The following PEX10 variants were observed in gnomAD, a reference collection of about 807,000 sequenced individuals.
PEX10 encodes the protein peroxisome biogenesis factor 10.
PEX10 carries 32 observed loss-of-function variants against 38.0 expected under a neutral mutation model. The observed-to-expected ratio is 0.84, with a 90% CI of 0.63 to 1.13. The LOEUF is 1.13. Ranked by LOEUF, PEX10 falls within the 50% of genes most tolerant of loss-of-function variation. The pLI is 0.00. For missense variants in PEX10, 483 were observed against 457.7 expected (o/e 1.06, Z -0.51); for synonymous variants, 206 against 207.3 (o/e 0.99, Z 0.05).
rs1209345866 is a variant in PEX10, at chr1:2,404,894, G to A, written c.*872C>T. ...AGGTTAAATGCAGTTTTGAAAACCT[G>A]GAAACATCAAATGGAGGCGGGAAAT... On this transcript the variant is annotated 3_prime_UTR_variant, in exon 6 of 6. Coordinates refer to ENST00000447513, the MANE Select transcript of PEX10 (RefSeq NM_002617.4). 1.3e-5 allele frequency: 2 copies of A among 152,820 alleles called. No homozygotes were observed. Among genetic ancestry groups the A allele is most frequent in the African/African-American group, 4.8e-5 (2 of 41,466 alleles). The allele number at this position is 152,820 out of a possible 1,614,324, so 9.5% of individuals were successfully genotyped here.
At chr1:2,411,950 G>A (rs1643244287) in intron 1 of PEX10, among the ~76,000 whole-genome samples, 1 of 152,248 alleles carries the variant, frequency 6.6e-6, no homozygotes, top group Admixed American at 6.5e-5. Context: ...GAAAGGCCGG[G>A]GTCAGTGTGA....
Position 2,408,770 on chromosome 1 carries a change from C to T in PEX10, c.282G>A (p.Val94=). 6.2e-7 allele frequency: 1 copy of T among 1,613,974 alleles called. No individual in the cohort carries two copies. The highest frequency in any genetic ancestry group is 8.5e-7 in the Non-Finnish European group (1 of 1,179,914). ...IHVPSSLRRG[V]LVTLHAVLPY... ...GCAGGACGGCATGCAGTGTCACCAG[C>T]ACGCCACGGCGCAGCGAGGAGGGCA... The change falls in exon 3 of 6, where the codon GTG becomes GTA. Residue 94 remains valine, a synonymous_variant. Coordinates refer to ENST00000447513, the MANE Select transcript of PEX10 (RefSeq NM_002617.4).
chr1:2,408,822 A>T lies in PEX10; in HGVS notation c.230T>A (p.Ile77Asn), dbSNP rs753282581. 1 of 1,614,072 alleles carries T rather than the reference A, an allele frequency of 6.2e-7. No individual in the cohort carries two copies. The highest frequency in any genetic ancestry group is 1.1e-5 in the South Asian group (1 of 91,088). Residue 77 changes from isoleucine (I) to asparagine (N), a missense_variant, in exon 3 of 6, where the codon ATC becomes AAC. Coordinates refer to ENST00000447513, the MANE Select transcript of PEX10 (RefSeq NM_002617.4). The stretch of plus-strand genomic sequence containing the variant: ...ATGTATCCGCGATGGGTCCACCTGG[A>T]TGATGCTGACGTACTCCTCCCCCAG... ...QTLGEEYVSI[I>N]QVDPSRIHVP...
In PEX10 at chr1:2,412,386, C is replaced by G; in HGVS notation, c.112+5G>C. 1 of 1,380,110 alleles carries G rather than the reference C, an allele frequency of 7.2e-7. No homozygotes were observed. Among genetic ancestry groups the G allele is most frequent in the Non-Finnish European group, 9.3e-7 (1 of 1,072,816 alleles). 85.5% of individuals were successfully genotyped at this position (1,380,110 alleles called of 1,614,324 possible). A position where few individuals can be genotyped will look rare whatever the true frequency, so the allele number is the denominator to read the frequency against. Reference sequence around the variant, plus strand: ...CGAGGACGTCCGGCCGCGCCCGGCCCTCACCCGCCAGGCTGTGCAGGGCGC... The same window carrying G: ...CGAGGACGTCCGGCCGCGCCCGGCCGTCACCCGCCAGGCTGTGCAGGGCGC... On this transcript the variant is annotated splice_donor_5th_base_variant and intron_variant, in intron 1 of 5. Transcript: ENST00000447513.
chr1:2,411,076 T>C (rs190297056), intron 1 of PEX10, among the ~76,000 whole-genome samples: 99 of 152,142 alleles, frequency 6.5e-4, no homozygotes, highest in Middle Eastern at 3.4e-3. Context: ...TCCTCTGATA[T>C]TTACCCATGC....
At position 2,404,989 on chromosome 1, in the gene PEX10, C is replaced by G. The variant is rs1642949385; in HGVS notation, c.*777G>C. 6.5e-6 allele frequency: 1 copy of G among 154,614 alleles called. No homozygotes were observed. Among genetic ancestry groups the G allele is most frequent in the African/African-American group, 2.4e-5 (1 of 41,596 alleles). 9.6% of individuals were successfully genotyped at this position (154,614 alleles called of 1,614,324 possible). On this transcript the variant is annotated 3_prime_UTR_variant, in exon 6 of 6. Transcript: ENST00000447513. ...GTCAGCAGGTCGCCTGCCCAGCAGG[C>G]CCCCCAGGAGAGGGCTCGGGCGCCC...
At chr1:2,413,363 G>C (rs569569436), upstream of PEX10, among the ~76,000 whole-genome samples, 12 of 152,276 alleles carry the variant, frequency 7.9e-5, no homozygotes, top group South Asian at 2.5e-3. Flanking sequence ...CAGGCGCTCC[G>C]ATCCCTCTGC....
At position 2,405,350 on chromosome 1, in the gene PEX10, C is replaced by T. The variant is rs760413807; in HGVS notation, c.*416G>A. On this transcript the variant is annotated 3_prime_UTR_variant, in exon 6 of 6. Coordinates refer to ENST00000447513, the MANE Select transcript of PEX10 (RefSeq NM_002617.4). ...AGCCTCCGTGCCCCACCCCACCCAG[C>T]ACGCACTCATTCAGTCCATTGCCTT... 8.9e-5 allele frequency: 31 copies of T among 350,070 alleles called. No individual in the cohort carries two copies. Among genetic ancestry groups the T allele is most frequent in the Non-Finnish European group, 1.6e-4 (28 of 179,480 alleles). 21.7% of individuals were successfully genotyped at this position (350,070 alleles called of 1,614,324 possible).
chr1:2,412,660 G>A (rs1325272486), upstream of PEX10: 3 of 501,132 alleles, frequency 6.0e-6, no homozygotes, highest in Non-Finnish European at 9.2e-6. Flanking sequence ...CGGGGCCAGG[G>A]CCCGGGCGGA....
chr1:2,406,078 C>T (rs944469522), intron 5 of PEX10, among the ~76,000 whole-genome samples: 7 of 152,058 alleles, frequency 4.6e-5, no homozygotes, highest in Admixed American at 2.6e-4. Flanking sequence ...CCCTCCTGCT[C>T]CCGCAGCTGA....
In PEX10 at chr1:2,406,893, G is replaced by T. The variant is rs1643027225; in HGVS notation, c.603C>A (p.Leu201=). The change falls in exon 4 of 6, where the codon CTC becomes CTA. Residue 201 remains leucine, a splice_region_variant and synonymous_variant. Coordinates refer to ENST00000447513, the MANE Select transcript of PEX10 (RefSeq NM_002617.4). Reference sequence around the variant, plus strand: ...CCTCTCCGGGCAGGCTGCGGACACGGAGCTGTAAGGCAGATGGCGCCACAC... The same window carrying T: ...CCTCTCCGGGCAGGCTGCGGACACGTAGCTGTAAGGCAGATGGCGCCACAC... ...LAKRLTGITY[L]RVRSLPGEDL... The T allele has an allele frequency of 6.2e-7, 1 of 1,608,380 alleles. No individual in the cohort carries two copies. Among genetic ancestry groups the T allele is most frequent in the African/African-American group, 1.3e-5 (1 of 74,844 alleles).
In PEX10 at chr1:2,410,476, C is replaced by A; in HGVS notation, c.113-25G>T. 6.2e-7 allele frequency: 1 copy of A among 1,608,716 alleles called. No homozygotes were observed. The highest frequency in any genetic ancestry group is 1.1e-5 in the South Asian group (1 of 90,696). ...CCTGAGAGGAGAAACAGTATTAGTCCGGGGGAGCTGGTGGGCATCCTCTGA... is the reference window on the plus strand; with the variant it reads ...CCTGAGAGGAGAAACAGTATTAGTCAGGGGGAGCTGGTGGGCATCCTCTGA... On this transcript the variant is annotated intron_variant, in intron 1 of 5. Coordinates refer to ENST00000447513, the MANE Select transcript of PEX10 (RefSeq NM_002617.4). The surrounding 1 kb of genome is among the most constrained non-coding windows in gnomAD (Gnocchi z 5.1).
At chr1:2,411,876 G>A (rs567795875) in intron 1 of PEX10, among the ~76,000 whole-genome samples, 15 of 152,344 alleles carry the variant, frequency 9.8e-5, no homozygotes, top group African/African-American at 3.6e-4. Context: ...GAGGCAGGCA[G>A]GGCCTGGCTG....
rs1643271462 is a variant in PEX10 at position 2,412,411 on chromosome 1, C to T, written c.92G>A (p.Gly31Asp). 2 of 1,406,774 alleles carry T rather than the reference C, an allele frequency of 1.4e-6. No individual in the cohort carries two copies. The highest frequency in any genetic ancestry group is 3.1e-5 in the Admixed American group (1 of 32,518). The allele number at this position is 1,406,774 out of a possible 1,614,324, so 87.1% of individuals were successfully genotyped here. ...CTCACCCGCCAGGCTGTGCAGGGCG[C>T]CGCCCGCCGCGCTCCGCAGCCCACC... ...YRGGLRSAAG[G>D]ALHSLAGARK... Residue 31 changes from glycine (G) to aspartate (D), a missense_variant, in exon 1 of 6, where the codon GGC becomes GAC. Physicochemically the swap from Gly to Asp is moderately conservative, Grantham distance 94. Coordinates refer to ENST00000447513, the MANE Select transcript of PEX10 (RefSeq NM_002617.4).
At position 2,406,856 on chromosome 1, in the gene PEX10, G is replaced by A. The variant is rs536486149; in HGVS notation, c.640C>T (p.Arg214Cys). 123 of 1,609,572 alleles carry A rather than the reference G, an allele frequency of 7.6e-5. 1 individual carries two copies. The highest frequency in any genetic ancestry group is 2.1e-4 in the South Asian group (19 of 90,222). ...RSLPGEDLRA[R>C]VSYRLLGVIS... ...ACCCCCAGCAGCCTGTAGCTAACAC[G>A]GGCCCTCAGGTCCTCTCCGGGCAGG... The change falls in exon 4 of 6, where the codon CGT becomes TGT. Residue 214 changes from arginine (R) to cysteine (C), a missense_variant. Arg to Cys is a radical substitution (Grantham distance 180). Coordinates refer to ENST00000447513, the MANE Select transcript of PEX10 (RefSeq NM_002617.4).
At chr1:2,408,089 G>T (rs973439643) in intron 3 of PEX10, among the ~76,000 whole-genome samples, 1 of 152,124 alleles carries the variant, frequency 6.6e-6, no homozygotes, top group Admixed American at 6.5e-5. Context: ...GAAGCTGTTT[G>T]TTCCCCACAG....
intron 5 of PEX10, among the ~76,000 whole-genome samples, chr1:2,406,087 GAC>G (rs1392652978): frequency 1.3e-5 from 2 of 152,176 alleles, no homozygotes; most frequent in African/African-American, 4.8e-5. Context: ...TCCCGCAGCT[GAC>G]ACAGCCCACG....
chr1:2,406,695 C>T, intron 4 of PEX10, 25 bp downstream of exon 4: 1 of 1,609,964 alleles, frequency 6.2e-7, no homozygotes, highest in Non-Finnish European at 8.5e-7. Flanking sequence ...CACCCCCAGC[C>T]CCCATGTGTG....
intron 1 of PEX10, among the ~76,000 whole-genome samples, chr1:2,411,994 G>A (rs1183037574): frequency 6.6e-6 from 1 of 152,256 alleles, no homozygotes; most frequent in Admixed American, 6.5e-5. Flanking sequence ...CGCGCCGCGG[G>A]CGCTCTGACC....
Sources: allele counts gnomAD v4.1 joint callset (sites outside exome capture counted in the v4.1 genomes callset), GRCh38; gene constraint gnomAD v4.1.1; non-coding constraint Gnocchi (gnomAD v3.1); transcripts MANE v1.5; gene names NCBI Gene and HGNC (gene_info 2026-07-23, HGNC 2026-07-21).